The following AGBL1 variants were observed in gnomAD, a reference collection of about 807,000 sequenced individuals.
The protein encoded by AGBL1 is AGBL carboxypeptidase 1.
A neutral mutation model predicts 118.9 loss-of-function variants in AGBL1; 130 were observed. The ratio of observed to expected loss-of-function variants is 1.09; its 90% CI spans 0.95 to 1.26. The LOEUF (loss-of-function observed/expected upper bound fraction) is 1.26, where lower values mean the gene tolerates loss of function less well. AGBL1 is among the 50% of genes most tolerant of loss of function. The pLI, the probability that AGBL1 is intolerant of heterozygous loss-of-function variation, is 0.00. For missense variants in AGBL1, 1,584 were observed against 1,298.1 expected (o/e 1.22, Z -3.38); for synonymous variants, 555 against 478.9 (o/e 1.16, Z -2.08).
At chr15:86,127,489 C>A (rs1254439672) in intron 1 of AGBL1, among the ~76,000 whole-genome samples, 4 of 152,080 alleles carry the variant, frequency 2.6e-5, no homozygotes, top group African/African-American at 9.7e-5. Flanking sequence ...AGTATGGACA[C>A]AATGGAAGGT....
At chr15:86,551,828 C>T (rs566320186) in intron 20 of AGBL1, among the ~76,000 whole-genome samples, 1 of 152,118 alleles carries the variant, frequency 6.6e-6, no homozygotes, top group East Asian at 1.9e-4. Flanking sequence ...AGCTATCAAG[C>T]CATGAAGAGA....
intron 17 of AGBL1, among the ~76,000 whole-genome samples, chr15:86,323,532 A>G (rs1373487668): frequency 6.6e-6 from 1 of 152,188 alleles, no homozygotes; most frequent in Non-Finnish European, 1.5e-5. Context: ...AGAAATAATC[A>G]TTTCATTGAC....
chr15:86,384,164 TG>T (rs1167304395), intron 17 of AGBL1, among the ~76,000 whole-genome samples: 5 of 152,168 alleles, frequency 3.3e-5, no homozygotes, highest in Non-Finnish European at 5.9e-5. Context: ...GCTTGAGACT[TG>T]GCCATGAACA....
At chr15:86,351,163 T>A (rs2080619819) in intron 17 of AGBL1, among the ~76,000 whole-genome samples, 1 of 152,112 alleles carries the variant, frequency 6.6e-6, no homozygotes, top group Non-Finnish European at 1.5e-5. Flanking sequence ...AAGTCCAAAA[T>A]AGAGAAACCA....
chr15:86,545,302 T>C (rs1295510678), intron 19 of AGBL1, among the ~76,000 whole-genome samples: 1 of 152,206 alleles, frequency 6.6e-6, no homozygotes, highest in Non-Finnish European at 1.5e-5. Flanking sequence ...CTTTTCCACA[T>C]TGGAGCCTAG....
intron 21 of AGBL1, among the ~76,000 whole-genome samples, chr15:86,585,413 G>A (rs2084231120): frequency 2.0e-5 from 3 of 152,056 alleles, no homozygotes; most frequent in Non-Finnish European, 4.4e-5. Context: ...TTTATTTAGA[G>A]ACAGGGTCTC....
At chr15:86,114,837 C>T (rs953247554) in intron 1 of AGBL1, among the ~76,000 whole-genome samples, 9 of 152,186 alleles carry the variant, frequency 5.9e-5, no homozygotes, top group East Asian at 3.9e-4. Flanking sequence ...TGAGGTCCAA[C>T]GCTACAAGTC....
chr15:86,658,929 A>T lies in AGBL1; in HGVS notation c.2995-15344A>T, dbSNP rs970437534. On this transcript the variant is annotated intron_variant, in intron 21 of 22. Transcript: ENST00000614907. The stretch of plus-strand genomic sequence containing the variant: ...TGTTTGGGATGCACTACCAAGCATC[A>T]TGCAGATTCAGTGGAGGTTATAGTA... 2.2e-4 allele frequency among the ~76,000 whole-genome samples: 33 copies of T among 152,316 alleles called. 1 individual carries two copies. Among genetic ancestry groups the T allele is most frequent in the Non-Finnish European group, 1.5e-5 (1 of 68,030 alleles).
chr15:86,447,437 G>C (rs1311277195), intron 18 of AGBL1, among the ~76,000 whole-genome samples: 1 of 152,234 alleles, frequency 6.6e-6, no homozygotes, highest in African/African-American at 2.4e-5. Context: ...GTGGAAAGCA[G>C]AGAGGAGAGA....
At chr15:86,949,563 ACT>A (rs1442779499) in intron 23 of AGBL1, among the ~76,000 whole-genome samples, 2 of 152,032 alleles carry the variant, frequency 1.3e-5, no homozygotes, top group Admixed American at 6.6e-5. Flanking sequence ...AATAAAGTAG[ACT>A]CTGAGACAAA....
intron 20 of AGBL1, among the ~76,000 whole-genome samples, chr15:86,550,104 A>G (rs2083644213): frequency 6.6e-6 from 1 of 152,154 alleles, no homozygotes. Flanking sequence ...GTAGAGACCT[A>G]TAGGATAGCA....
chr15:86,722,161 A>G (rs1395472426), intron 22 of AGBL1, among the ~76,000 whole-genome samples: 1 of 152,168 alleles, frequency 6.6e-6, no homozygotes, highest in Non-Finnish European at 1.5e-5. Context: ...AACTACTTTA[A>G]AGTTCATATG....
At chr15:86,645,926 C>A (rs1170726718) in intron 21 of AGBL1, among the ~76,000 whole-genome samples, 1 of 152,188 alleles carries the variant, frequency 6.6e-6, no homozygotes, top group East Asian at 1.9e-4. Flanking sequence ...GCCTCAAATT[C>A]CTCAGCTTGC....
chr15:86,458,283 T>G (rs1305797782), intron 18 of AGBL1, among the ~76,000 whole-genome samples: 1 of 152,150 alleles, frequency 6.6e-6, no homozygotes, highest in African/African-American at 2.4e-5. Flanking sequence ...AATAATTTTA[T>G]TATATGAAAT....
chr15:86,644,704 G>T (rs932835077), intron 21 of AGBL1, among the ~76,000 whole-genome samples: 1 of 151,804 alleles, frequency 6.6e-6, no homozygotes, highest in Non-Finnish European at 1.5e-5. Context: ...TGAAGGGCTT[G>T]TCTACATTAA....
intron 6 of AGBL1, among the ~76,000 whole-genome samples, chr15:86,242,008 A>G (rs945796719): frequency 6.6e-6 from 1 of 152,074 alleles, no homozygotes; most frequent in African/African-American, 2.4e-5. Context: ...TGCTGTTCTT[A>G]TGATAGTTAA....
intron 6 of AGBL1, 97 bp downstream of exon 6, chr15:86,225,048 TCATGAACTACTA>T: frequency 8.8e-7 from 1 of 1,133,702 alleles, no homozygotes; most frequent in Non-Finnish European, 1.3e-6. Flanking sequence ...TTTTTTTTTT[TCATGAACTACTA>T]TTTCTCAATC....
At chr15:86,755,081 C>A (rs533461266) in intron 22 of AGBL1, among the ~76,000 whole-genome samples, 1 of 152,108 alleles carries the variant, frequency 6.6e-6, no homozygotes, top group South Asian at 2.1e-4. Context: ...CTGAGAAAGA[C>A]CAGATGGAGA....
chr15:86,270,761 G>A (rs1351453979), intron 14 of AGBL1, among the ~76,000 whole-genome samples: 1 of 152,160 alleles, frequency 6.6e-6, no homozygotes, highest in Non-Finnish European at 1.5e-5. Flanking sequence ...ACTTTGTATG[G>A]CTATTGTAAC....
Sources: gnomAD v4.1 joint callset for allele counts (sites outside exome capture counted in the v4.1 genomes callset) on GRCh38, gnomAD v4.1.1 for gene constraint, MANE v1.5 for transcripts, NCBI Gene and HGNC (gene_info 2026-07-23, HGNC 2026-07-21) for gene names.